SGO2: variants seen among roughly 807,000 people sequenced by gnomAD.
SGO2 encodes shugoshin 2.
SGO2 carries 68 observed loss-of-function variants against 99.5 expected under a neutral mutation model. The observed-to-expected ratio is 0.68, with a 90% CI of 0.56 to 0.84. The LOEUF (loss-of-function observed/expected upper bound fraction) is 0.84, where lower values mean the gene tolerates loss of function less well. Ranked by LOEUF, SGO2 falls within the 40% of genes least tolerant of loss-of-function variation. SGO2 has a pLI of 0.00. For synonymous variants in SGO2, 457 were observed against 487.1 expected (o/e 0.94, Z 0.81); for missense variants, 1,350 against 1,436.7 (o/e 0.94, Z 0.97).
chr2:200,570,118 A>G lies in SGO2; in HGVS notation c.703+226A>G, dbSNP rs919234699. Reference sequence around the variant, plus strand: ...CTAATACTGTTACTCTGGAAGAAATATTTAGAAATAAATGGACCTAATGAG... The same window carrying G: ...CTAATACTGTTACTCTGGAAGAAATGTTTAGAAATAAATGGACCTAATGAG... On this transcript the variant is annotated intron_variant, in intron 6 of 8. Transcript: ENST00000357799. The surrounding 1 kb of genome is among the most constrained non-coding windows in gnomAD (Gnocchi z 4.4). 1.4e-4 allele frequency: 63 copies of G among 451,650 alleles called. No homozygotes were observed. The highest frequency in any genetic ancestry group is 1.9e-5 in the Non-Finnish European group (5 of 257,960). The allele number at this position is 451,650 out of a possible 1,614,324, so 28.0% of individuals were successfully genotyped here.
At position 200,571,423 on chromosome 2, in the gene SGO2, T is replaced by C. The variant is rs2033419030; in HGVS notation, c.1077T>C (p.Thr359=). 3 of 1,609,722 alleles carry C rather than the reference T, an allele frequency of 1.9e-6. No homozygotes were observed. The highest frequency in any genetic ancestry group is 1.7e-5 in the Admixed American group (1 of 59,686). ...ATGATGACTTTCAATTGCAGAAAAC[T>C]GTGTATGATGCTGACATGGATTTAA... ...EDNDDFQLQK[T]VYDADMDLTA... The change falls in exon 7 of 9, where the codon ACT becomes ACC. Residue 359 remains threonine (T), a synonymous_variant. Transcript: ENST00000357799.
At chr2:200,559,971 G>A (rs1003420718) in intron 5 of SGO2, among the ~76,000 whole-genome samples, 11 of 152,076 alleles carry the variant, frequency 7.2e-5, no homozygotes, top group Non-Finnish European at 1.5e-4. Flanking sequence ...ATCTAATTTG[G>A]TAATTATTTG....
chr2:200,545,414 G>A (rs2032167090), intron 5 of SGO2, among the ~76,000 whole-genome samples: 1 of 152,004 alleles, frequency 6.6e-6, no homozygotes, highest in Non-Finnish European at 1.5e-5. Flanking sequence ...GTGGCGGGGA[G>A]GTGTGTATCT....
At chr2:200,530,466 AT>A (rs1374325730) in intron 1 of SGO2, among the ~76,000 whole-genome samples, 2 of 152,216 alleles carry the variant, frequency 1.3e-5, no homozygotes, top group Admixed American at 1.3e-4. Flanking sequence ...AGACAGCTGG[AT>A]ACATGAATCC....
At chr2:200,575,108 C>T (rs2033604906) in intron 7 of SGO2, among the ~76,000 whole-genome samples, 1 of 151,904 alleles carries the variant, frequency 6.6e-6, no homozygotes, top group Non-Finnish European at 1.5e-5. Context: ...CTAGGATGAA[C>T]TTTGGGAGCC....
At chr2:200,582,763 CA>C (rs1227662269) in intron 8 of SGO2, among the ~76,000 whole-genome samples, 1 of 152,020 alleles carries the variant, frequency 6.6e-6, no homozygotes, top group Non-Finnish European at 1.5e-5. Context: ...ATTACATACA[CA>C]GGGGAACAAG....
chr2:200,573,303 G>T lies in SGO2; in HGVS notation c.2957G>T (p.Arg986Leu), dbSNP rs192793098. 5.6e-6 allele frequency: 9 copies of T among 1,605,748 alleles called. No homozygotes were observed. Among genetic ancestry groups the T allele is most frequent in the Non-Finnish European group, 7.6e-6 (9 of 1,177,682 alleles). Reference sequence around the variant, plus strand: ...GATTCCTACAAAGTAGTTAAAAAACGTAAGAAAGAATCATCATGCAAGGCA... The same window carrying T: ...GATTCCTACAAAGTAGTTAAAAAACTTAAGAAAGAATCATCATGCAAGGCA... The part of the protein sequence containing the change: ...ILDSYKVVKK[R>L]KKESSCKAKN... Residue 986 changes from arginine (R) to leucine (L), a missense_variant, in exon 7 of 9, where the codon CGT (arginine) becomes CTT (leucine). Transcript: ENST00000357799.
chr2:200,562,236 A>C (rs2033002307), intron 5 of SGO2, among the ~76,000 whole-genome samples: 1 of 152,086 alleles, frequency 6.6e-6, no homozygotes, highest in South Asian at 2.1e-4. Flanking sequence ...TTTTTGTATA[A>C]GGTGTAAGGA....
Position 200,569,721 on chromosome 2 carries a change from A to G in SGO2, c.532A>G (p.Asn178Asp). Residue 178 changes from asparagine (N) to aspartate (D), a missense_variant, in exon 6 of 9, where the codon AAC (asparagine) becomes GAC (aspartate). Transcript: ENST00000357799. ...AGATAAAGAGAAAATGCAGTGTGAC[A>G]ACAATATTAAATCAAAGACATTACC... Reference protein sequence around the residue: ...DEDKEKMQCDNNIKSKTLPDI... With the variant: ...DEDKEKMQCDDNIKSKTLPDI... 1 of 1,612,898 alleles carries G rather than the reference A, an allele frequency of 6.2e-7. No homozygotes were observed. Among genetic ancestry groups the G allele is most frequent in the Admixed American group, 1.7e-5 (1 of 59,966 alleles).
Position 200,571,141 on chromosome 2 carries a change from A to G in SGO2, c.795A>G (p.Pro265=), listed in dbSNP as rs1407910285. The G allele has an allele frequency of 3.7e-6, 6 of 1,613,690 alleles. No homozygotes were observed. The highest frequency in any genetic ancestry group is 4.2e-6 in the Non-Finnish European group (5 of 1,179,646). Reference sequence around the variant, plus strand: ...CTATTGGCCGCAGATGGGAGAAACCATCTCCTAGTAATGTGACTGAAAGGA... The same window carrying G: ...CTATTGGCCGCAGATGGGAGAAACCGTCTCCTAGTAATGTGACTGAAAGGA... ...AQSIGRRWEK[P]SPSNVTERKK... Residue 265 remains proline (P), a synonymous_variant, in exon 7 of 9, where the codon CCA becomes CCG. Transcript: ENST00000357799.
Position 200,534,059 on chromosome 2 carries a change from G to C in SGO2, c.134-937G>C, listed in dbSNP as rs191704948. Among the ~76,000 whole-genome samples the C allele has an allele frequency of 1.9e-3, 282 of 152,246 alleles. 2 individuals carry two copies. Among genetic ancestry groups the C allele is most frequent in the Middle Eastern group, 6.8e-3 (2 of 294 alleles). On this transcript the variant is annotated intron_variant, in intron 2 of 8. Transcript: ENST00000357799. ...ATGGCTATCCAAAACTACTCTCTCT[G>C]TGCCAAAGGTAAAGTACTGTTTTGG...
Position 200,573,098 on chromosome 2 carries a change from T to A in SGO2, c.2752T>A (p.Ser918Thr). 1 of 1,582,882 alleles carries A rather than the reference T, an allele frequency of 6.3e-7. No homozygotes were observed. Among genetic ancestry groups the A allele is most frequent in the Non-Finnish European group, 8.5e-7 (1 of 1,171,920 alleles). The change falls in exon 7 of 9, where the codon TCT becomes ACT. Residue 918 changes from serine to threonine, a missense_variant. Physicochemically the swap from Ser to Thr is moderately conservative, Grantham distance 58. Transcript: ENST00000357799. ...AGTGAATTGGAAGACAGAAATAATT[T>A]CTGAAATGAACCAGATATATGAGGA... ...NKVNWKTEII[S>T]EMNQIYEDND...
Position 200,575,395 on chromosome 2 carries a change from C to G in SGO2, c.3716C>G (p.Ser1239Cys). The G allele has an allele frequency of 6.2e-7, 1 of 1,605,998 alleles. No homozygotes were observed. Among genetic ancestry groups the G allele is most frequent in the Non-Finnish European group, 8.5e-7 (1 of 1,174,626 alleles). The change falls in exon 8 of 9, where the codon TCT becomes TGT. Residue 1239 changes from serine (S) to cysteine (C), a missense_variant. By Grantham distance (112) the Ser-to-Cys change is moderately radical (BLOSUM62 -1). Transcript: ENST00000357799. ...AESENKSEDL[S>C]SERTSRRRRC... ...TCTGAAAATAAGTCAGAAGATCTAT[C>G]TTCAGAACGGACAAGCAGAAGAAGA...
intron 8 of SGO2, among the ~76,000 whole-genome samples, chr2:200,582,540 C>A (rs1049925640): frequency 1.3e-5 from 2 of 152,032 alleles, no homozygotes; most frequent in Non-Finnish European, 2.9e-5. Flanking sequence ...AAAATACAGC[C>A]TTTATTGCAG....
In SGO2 at chr2:200,535,008, T is replaced by C; in HGVS notation, c.146T>C (p.Ile49Thr). 1 of 1,527,696 alleles carries C rather than the reference T, an allele frequency of 6.5e-7. No homozygotes were observed. The highest frequency in any genetic ancestry group is 8.7e-7 in the Non-Finnish European group (1 of 1,149,992). 94.6% of individuals were successfully genotyped at this position (1,527,696 alleles called of 1,614,324 possible). A position where few individuals can be genotyped will look rare whatever the true frequency, so the allele number is the denominator to read the frequency against. The change falls in exon 3 of 9, where the codon ATT (isoleucine) becomes ACT (threonine). Residue 49 changes from isoleucine (I) to threonine (T), a missense_variant. Transcript: ENST00000357799. ...AATCTTTTTACAGATAATTCTTCTA[T>C]TTTCAAAATATCTTTAAAGCACAAC... ...IKTKILNNSS[I>T]FKISLKHNNR...
rs1430602825 is a variant in SGO2 at position 200,532,970 on chromosome 2, T to G, written c.-2-4T>G. On this transcript the variant is annotated splice_polypyrimidine_tract_variant and splice_region_variant and intron_variant, in intron 1 of 8. Transcript: ENST00000357799. ...TACTATGATTTTTTTTTCTTTCACT[T>G]CAGTGATGGAGTGCCCAGTGATGGA... 1.2e-6 allele frequency: 2 copies of G among 1,602,316 alleles called. No individual in the cohort carries two copies. Among genetic ancestry groups the G allele is most frequent in the Admixed American group, 3.5e-5 (2 of 56,954 alleles).
At position 200,570,872 on chromosome 2, in the gene SGO2, T is replaced by C. The variant is rs367587298; in HGVS notation, c.704-178T>C. On this transcript the variant is annotated intron_variant, in intron 6 of 8. Coordinates refer to ENST00000357799, the MANE Select transcript of SGO2 (RefSeq NM_152524.6). This position sits in a 1 kb window ranked among gnomAD's most constrained non-coding sequence, Gnocchi z 4.4. ...AAATGTAAAATGTGATTTAGGAGTA[T>C]TCATCATTTCTAACTTATTTTCTTA... 1.5e-3 allele frequency among the ~76,000 whole-genome samples: 231 copies of C among 152,112 alleles called. 1 individual carries two copies. Among genetic ancestry groups the C allele is most frequent in the African/African-American group, 5.2e-3 (217 of 41,544 alleles).
intron 5 of SGO2, among the ~76,000 whole-genome samples, chr2:200,564,785 T>C (rs1202778749): frequency 2.0e-5 from 3 of 152,238 alleles, no homozygotes; most frequent in African/African-American, 7.2e-5. Context: ...TTAGCTCTTC[T>C]TGTTGAATTG....
At chr2:200,543,530 A>G (rs1321612969) in intron 5 of SGO2, 4 of 152,232 alleles carry the variant, frequency 2.6e-5, no homozygotes, top group Non-Finnish European at 5.9e-5. Flanking sequence ...ATTATATATA[A>G]CATATAGATT....
Sources: gnomAD v4.1 joint callset for allele counts (sites outside exome capture counted in the v4.1 genomes callset) on GRCh38, gnomAD v4.1.1 for gene constraint, Gnocchi (gnomAD v3.1) non-coding constraint, MANE v1.5 for transcripts, NCBI Gene and HGNC (gene_info 2026-07-23, HGNC 2026-07-21) for gene names.